PLCXD3: variants seen among roughly 807,000 people sequenced by gnomAD.
PLCXD3 encodes the protein phosphatidylinositol specific phospholipase C X domain containing 3, also known as PI-PLC X domain-containing protein 3.
A neutral mutation model predicts 25.5 loss-of-function variants in PLCXD3; 19 were observed. That is an observed-to-expected ratio of 0.75 (90% CI 0.52 to 1.09). The LOEUF (loss-of-function observed/expected upper bound fraction) is 1.09. Ranked by LOEUF, PLCXD3 falls within the 50% of genes least tolerant of loss-of-function variation. The probability of loss-of-function intolerance (pLI) is 0.00; values close to 1 mark genes in which losing one functional copy is unlikely to be tolerated. For synonymous variants in PLCXD3, 174 were observed against 137.6 expected (o/e 1.26, Z -1.85); for missense variants, 411 against 388.1 (o/e 1.06, Z -0.50).
At chr5:41,465,353 C>CTTTTTTTTTTTTTGTTTTTTTTTTTTTT (rs1747992063) in intron 1 of PLCXD3, among the ~76,000 whole-genome samples, 1 of 13,228 alleles carries the variant, frequency 7.6e-5, no homozygotes, top group African/African-American at 2.9e-4. Flanking sequence ...TAGTTCTTGT[C>CTTTTTTTTTTTTTGTTTTTTTTTTTTTT]TTTTTTTTTT....
In PLCXD3 at chr5:41,372,956, A is replaced by G. The variant is rs146630769; in HGVS notation, c.812+8870T>C. 7.0e-3 allele frequency among the ~76,000 whole-genome samples: 1,072 copies of G among 152,250 alleles called. 10 individuals carry two copies. Among genetic ancestry groups the G allele is most frequent in the African/African-American group, 0.024 (1,007 of 41,570 alleles). ...CTACTTGGGAGGCTGAGGTGGAAGA[A>G]TCAATTGAACCTGGGAGGCGGAGGT... On this transcript the variant is annotated intron_variant, in intron 2 of 2. Transcript: ENST00000377801.
chr5:41,398,503 A>G (rs1378948415), intron 1 of PLCXD3, among the ~76,000 whole-genome samples: 1 of 152,200 alleles, frequency 6.6e-6, no homozygotes, highest in Non-Finnish European at 1.5e-5. Context: ...GTAGTTCTCT[A>G]TAGCAATGTG....
At chr5:41,321,155 G>T (rs1185505112) in intron 2 of PLCXD3, among the ~76,000 whole-genome samples, 1 of 152,170 alleles carries the variant, frequency 6.6e-6, no homozygotes, top group East Asian at 1.9e-4. Flanking sequence ...AAAGTCAAAT[G>T]TCCCTTGTTT....
At position 41,309,104 on chromosome 5, in the gene PLCXD3, G is replaced by T. The variant is rs924049232; in HGVS notation, c.*4513C>A. The T allele has an allele frequency of 6.6e-6, 1 of 152,510 alleles. No individual in the cohort carries two copies. The highest frequency in any genetic ancestry group is 1.9e-4 in the East Asian group (1 of 5,198). 9.4% of individuals were successfully genotyped at this position (152,510 alleles called of 1,614,324 possible). On this transcript the variant is annotated 3_prime_UTR_variant, in exon 3 of 3. Coordinates refer to ENST00000377801, the MANE Select transcript of PLCXD3 (RefSeq NM_001005473.3). ...TTAGGATAAGTTTGATTTTTGATAA[G>T]ATATTATATACTTACACACACATAC...
intron 2 of PLCXD3, among the ~76,000 whole-genome samples, chr5:41,353,756 C>A (rs1384981682): frequency 6.6e-6 from 1 of 152,102 alleles, no homozygotes; most frequent in Non-Finnish European, 1.5e-5. Flanking sequence ...GGATTCTTTT[C>A]TTCTGAGTTT....
chr5:41,403,259 C>G, intron 1 of PLCXD3, among the ~76,000 whole-genome samples: 1 of 145,662 alleles, frequency 6.9e-6, no homozygotes, highest in South Asian at 2.2e-4. Context: ...AAACTAAAAA[C>G]AAGATTAGAA....
chr5:41,466,060 A>G (rs980107690), intron 1 of PLCXD3, among the ~76,000 whole-genome samples: 8 of 152,244 alleles, frequency 5.3e-5, no homozygotes, highest in African/African-American at 1.9e-4. Flanking sequence ...ATTAACCAAC[A>G]GTGGAAAAAA....
chr5:41,493,315 G>T (rs1283570216), intron 1 of PLCXD3, among the ~76,000 whole-genome samples: 2 of 152,164 alleles, frequency 1.3e-5, no homozygotes, highest in African/African-American at 4.8e-5. Context: ...GGAGTACCTG[G>T]CCGTGTGAGG....
intron 1 of PLCXD3, among the ~76,000 whole-genome samples, chr5:41,493,434 A>G (rs1446182566): frequency 1.3e-5 from 2 of 152,232 alleles, no homozygotes; most frequent in East Asian, 3.9e-4. Flanking sequence ...CTCCAGCTGC[A>G]TACTGGGAGA....
chr5:41,502,886 C>T (rs1419230640), intron 1 of PLCXD3, among the ~76,000 whole-genome samples: 6 of 152,130 alleles, frequency 3.9e-5, no homozygotes, highest in Non-Finnish European at 8.8e-5. Flanking sequence ...GAAATGAGGA[C>T]ATGAAAGGGT....
chr5:41,499,437 C>T (rs1380384067), intron 1 of PLCXD3, among the ~76,000 whole-genome samples: 1 of 151,548 alleles, frequency 6.6e-6, no homozygotes, highest in Non-Finnish European at 1.5e-5. Flanking sequence ...ATAAACTTAA[C>T]AAAGGAGACA....
At chr5:41,359,839 T>C (rs1744724531) in intron 2 of PLCXD3, among the ~76,000 whole-genome samples, 3 of 152,196 alleles carry the variant, frequency 2.0e-5, no homozygotes, top group Admixed American at 2.0e-4. Context: ...GTGATGAATT[T>C]CCCAGTTGTT....
intron 2 of PLCXD3, among the ~76,000 whole-genome samples, chr5:41,367,338 G>A (rs1342634519): frequency 6.6e-6 from 1 of 152,108 alleles, no homozygotes; most frequent in African/African-American, 2.4e-5. Flanking sequence ...CATTCTGACT[G>A]GCATGAGATG....
At chr5:41,490,330 A>C (rs866700071) in intron 1 of PLCXD3, among the ~76,000 whole-genome samples, 2 of 152,168 alleles carry the variant, frequency 1.3e-5, no homozygotes, top group African/African-American at 4.8e-5. Context: ...TGCTGGATTC[A>C]GTTTGCCAGT....
intron 2 of PLCXD3, among the ~76,000 whole-genome samples, chr5:41,318,401 C>G (rs1743362803): frequency 6.6e-6 from 1 of 151,986 alleles, no homozygotes; most frequent in Non-Finnish European, 1.5e-5. Flanking sequence ...AAGGCACAGT[C>G]AGTACAATAA....
At chr5:41,322,458 G>A (rs1157573316) in intron 2 of PLCXD3, among the ~76,000 whole-genome samples, 1 of 152,176 alleles carries the variant, frequency 6.6e-6, no homozygotes, top group Non-Finnish European at 1.5e-5. Context: ...TACTGTTGGT[G>A]GGAATGTACA....
At chr5:41,375,383 C>G (rs1008610563) in intron 2 of PLCXD3, among the ~76,000 whole-genome samples, 1 of 152,100 alleles carries the variant, frequency 6.6e-6, no homozygotes, top group African/African-American at 2.4e-5. Context: ...TATCCTCTGG[C>G]CTTATCCCTC....
rs560858819 is a variant in PLCXD3 at position 41,410,730 on chromosome 5, C to T, written c.104-28196G>A. ...ACCTAAAACTGAGCATCAACAGCAG[C>T]GGTTGAAAGAGAAGCAAACAAAAGT... is the stretch of plus-strand genomic sequence containing the variant. On this transcript the variant is annotated intron_variant, in intron 1 of 2. Transcript: ENST00000377801. 3.3e-5 allele frequency among the ~76,000 whole-genome samples: 5 copies of T among 152,150 alleles called. No homozygotes were observed. In the South Asian group the frequency reaches 1.0e-3, roughly 32 times the overall value.
chr5:41,479,798 C>T (rs1748359053), intron 1 of PLCXD3, among the ~76,000 whole-genome samples: 1 of 152,010 alleles, frequency 6.6e-6, no homozygotes, highest in Non-Finnish European at 1.5e-5. Context: ...AAATTAATCA[C>T]GGTATTACCT....
Sources: allele counts gnomAD v4.1 joint callset (sites outside exome capture counted in the v4.1 genomes callset), GRCh38; gene constraint gnomAD v4.1.1; transcripts MANE v1.5; gene names NCBI Gene and HGNC (gene_info 2026-07-23, HGNC 2026-07-21).